APBB2: variants seen among roughly 807,000 people sequenced by gnomAD.
APBB2 encodes the protein Fe65-like 1.
APBB2 carries 38 observed loss-of-function variants against 82.5 expected under a neutral mutation model. The ratio of observed to expected loss-of-function variants is 0.46; its 90% confidence interval spans 0.36 to 0.60. The LOEUF (loss-of-function observed/expected upper bound fraction) is 0.60. APBB2 is among the 20% of genes least tolerant of loss of function. The probability of loss-of-function intolerance (pLI) is 0.00; values close to 1 mark genes in which losing one functional copy is unlikely to be tolerated. For synonymous variants in APBB2, 341 were observed against 368.2 expected (o/e 0.93, Z 0.85); for missense variants, 772 against 972.3 (o/e 0.79, Z 2.74).
intron 6 of APBB2, among the ~76,000 whole-genome samples, chr4:40,997,873 G>A (rs139315928): frequency 9.0e-4 from 137 of 152,194 alleles, no homozygotes; most frequent in African/African-American, 3.3e-3. Flanking sequence ...TTTAATGAAG[G>A]TACACATAAA....
chr4:41,190,543 C>T (rs1158209268), intron 1 of APBB2, among the ~76,000 whole-genome samples: 1 of 152,054 alleles, frequency 6.6e-6, no homozygotes, highest in Non-Finnish European at 1.5e-5. Context: ...AGGCACCGCA[C>T]CCAGCTACAA....
intron 6 of APBB2, among the ~76,000 whole-genome samples, chr4:40,970,438 A>G (rs1371387463): frequency 1.3e-5 from 2 of 152,042 alleles, no homozygotes; most frequent in Non-Finnish European, 2.9e-5. Context: ...CATTGATTTT[A>G]GATTAACATT....
At chr4:41,195,121 C>A in intron 1 of APBB2, among the ~76,000 whole-genome samples, 4 of 152,110 alleles carry the variant, frequency 2.6e-5, no homozygotes, top group African/African-American at 9.7e-5. Flanking sequence ...GTCTTCACCC[C>A]CTCCCTGGGT....
intron 1 of APBB2, chr4:41,177,630 C>T (rs1770180160): frequency 6.6e-6 from 1 of 152,126 alleles, no homozygotes; most frequent in Non-Finnish European, 1.5e-5. Context: ...GGACACACAC[C>T]TGGTCTGGGT....
At chr4:40,882,328 C>T (rs1421144331) in intron 12 of APBB2, among the ~76,000 whole-genome samples, 3 of 152,112 alleles carry the variant, frequency 2.0e-5, no homozygotes, top group East Asian at 3.9e-4. Flanking sequence ...AGCAAAACCT[C>T]GGACTGCAGA....
chr4:40,833,818 G>C (rs191493173), intron 12 of APBB2, among the ~76,000 whole-genome samples: 1 of 152,294 alleles, frequency 6.6e-6, no homozygotes, highest in Non-Finnish European at 1.5e-5. Context: ...GCCTCTCCAT[G>C]GTGGCTGGCA....
At chr4:40,883,352 C>T (rs969859586) in intron 12 of APBB2, among the ~76,000 whole-genome samples, 13 of 152,018 alleles carry the variant, frequency 8.6e-5, no homozygotes, top group African/African-American at 2.7e-4. Context: ...TTTGGGAGGC[C>T]GAGGAGGGCA....
chr4:41,033,337 C>T (rs116293599), intron 4 of APBB2, 33 bp from the exon 5 acceptor site: 57,424 of 1,331,646 alleles, frequency 0.043, 1,421 homozygotes, highest in Non-Finnish European at 0.05. Flanking sequence ...GAAATTAAAA[C>T]TCCAAATAAC....
intron 6 of APBB2, among the ~76,000 whole-genome samples, chr4:40,948,479 G>A (rs1000535664): frequency 3.3e-5 from 5 of 152,078 alleles, no homozygotes; most frequent in African/African-American, 7.2e-5. Flanking sequence ...GGCTGAGGAC[G>A]GCTAGGGGCA....
chr4:40,853,229 T>C (rs187117884), intron 12 of APBB2, among the ~76,000 whole-genome samples: 58 of 152,222 alleles, frequency 3.8e-4, no homozygotes, highest in East Asian at 1.4e-3. Context: ...TCCCTCGTTT[T>C]CCACTCCTGT....
At chr4:41,178,161 A>G (rs1391174750) in intron 1 of APBB2, among the ~76,000 whole-genome samples, 1 of 152,226 alleles carries the variant, frequency 6.6e-6, no homozygotes, top group Non-Finnish European at 1.5e-5. Context: ...AACCTTACCC[A>G]CATGTATCAA....
At chr4:41,196,705 T>A in intron 1 of APBB2, among the ~76,000 whole-genome samples, 1 of 151,984 alleles carries the variant, frequency 6.6e-6, no homozygotes, top group East Asian at 1.9e-4. Context: ...GATGTTTACT[T>A]TTTAGTCTCT....
chr4:41,112,629 G>T (rs1013723718), intron 2 of APBB2, among the ~76,000 whole-genome samples: 4 of 152,264 alleles, frequency 2.6e-5, no homozygotes, highest in Middle Eastern at 3.4e-3. Context: ...GGAACCTAGG[G>T]TTCAAAAAAC....
intron 6 of APBB2, among the ~76,000 whole-genome samples, chr4:40,957,234 C>G (rs945269482): frequency 1.4e-4 from 21 of 152,172 alleles, no homozygotes; most frequent in African/African-American, 4.8e-4. Flanking sequence ...TTCTGTAATT[C>G]AAAACATTTT....
intron 10 of APBB2, among the ~76,000 whole-genome samples, chr4:40,910,128 T>C (rs1778152111): frequency 6.6e-6 from 1 of 151,574 alleles, no homozygotes; most frequent in Admixed American, 6.6e-5. Context: ...CTAATTTTTT[T>C]TTTTTTTTTT....
At chr4:41,204,910 T>C (rs754476676) in intron 1 of APBB2, among the ~76,000 whole-genome samples, 2 of 152,232 alleles carry the variant, frequency 1.3e-5, no homozygotes, top group African/African-American at 2.4e-5. Flanking sequence ...AAGTCAATTA[T>C]GTTATGAAAA....
intron 6 of APBB2, among the ~76,000 whole-genome samples, chr4:40,957,594 T>C (rs1397890867): frequency 6.6e-6 from 1 of 152,062 alleles, no homozygotes; most frequent in African/African-American, 2.4e-5. Context: ...CCTTTTTTTT[T>C]TTTTTTGAGG....
chr4:41,121,452 T>C (rs145812720), intron 2 of APBB2, among the ~76,000 whole-genome samples: 1 of 152,388 alleles, frequency 6.6e-6, no homozygotes, highest in African/African-American at 2.4e-5. Context: ...CAGAGGGTAC[T>C]TGGGAGCGTG....
At chr4:40,869,357 A>G (rs1764839026) in intron 12 of APBB2, among the ~76,000 whole-genome samples, 1 of 152,098 alleles carries the variant, frequency 6.6e-6, no homozygotes, top group Admixed American at 6.6e-5. Flanking sequence ...TGAGTGAGGT[A>G]GGAGGATCAG....
Sources: allele counts gnomAD v4.1 joint callset (sites outside exome capture counted in the v4.1 genomes callset), GRCh38; gene constraint gnomAD v4.1.1; transcripts MANE v1.5; gene names NCBI Gene and HGNC (gene_info 2026-07-23, HGNC 2026-07-21).